Variants in RTN4IP1 observed in about 807,000 individuals in gnomAD.
RTN4IP1 encodes reticulon 4 interacting protein 1.
RTN4IP1 carries 32 observed loss-of-function variants against 46.6 expected under a neutral mutation model. The observed-to-expected ratio is 0.69, with a 90% CI of 0.52 to 0.92. The LOEUF (loss-of-function observed/expected upper bound fraction) is 0.92. RTN4IP1 is among the 40% of genes least tolerant of loss of function. The probability of loss-of-function intolerance (pLI) is 0.00; values close to 1 mark genes in which losing one functional copy is unlikely to be tolerated. For synonymous variants in RTN4IP1, 167 were observed against 161.8 expected, an observed-to-expected ratio of 1.03 and a Z score of -0.24; for missense variants, 424 against 485.8, an observed-to-expected ratio of 0.87 and a Z score of 1.20.
At chr6:106,600,270 C>T (rs1432738440) in intron 5 of RTN4IP1, among the ~76,000 whole-genome samples, 1 of 152,002 alleles carries the variant, frequency 6.6e-6, no homozygotes, top group African/African-American at 2.4e-5. Context: ...GAATCTCTCC[C>T]CTCATCCTGA....
At chr6:106,592,077 G>T in intron 6 of RTN4IP1, 87 bp downstream of exon 6, 1 of 1,342,592 alleles carries the variant, frequency 7.4e-7, no homozygotes, top group Non-Finnish European at 1.0e-6. Flanking sequence ...ATTCCAACAT[G>T]ATTGTAAAGC....
In RTN4IP1 at chr6:106,592,239, A is replaced by G. The variant is rs748837830; in HGVS notation, c.731T>C (p.Val244Ala). ...TACATCGTCTGCACCAAGCTTCCTT[A>G]CAAGTTCACTGGCATCTTGGGAGCA... ...AVCSQDASEL[V>A]RKLGADDVID... Residue 244 changes from valine to alanine, a missense_variant, in exon 6 of 9, where the codon GTA (valine) becomes GCA (alanine). Coordinates refer to ENST00000369063, the MANE Select transcript of RTN4IP1 (RefSeq NM_032730.5). The G allele has an allele frequency of 2.5e-6, 4 of 1,614,028 alleles. No individual in the cohort carries two copies. The highest frequency in any genetic ancestry group is 3.3e-5 in the Admixed American group (2 of 60,004).
intron 3 of RTN4IP1, among the ~76,000 whole-genome samples, chr6:106,620,775 T>C: frequency 6.6e-6 from 1 of 152,172 alleles, no homozygotes. Context: ...CATTATCAGA[T>C]ATAACTACTT....
chr6:106,619,528 T>C lies in RTN4IP1; in HGVS notation c.496-202A>G, dbSNP rs537769419. 8.6e-5 allele frequency among the ~76,000 whole-genome samples: 13 copies of C among 151,926 alleles called. No homozygotes were observed. The East Asian group carries it at 2.3e-3, about 27-fold the overall frequency. Reference sequence around the variant, plus strand: ...ACCCTTCTTCTTCCTACTCCTCCTCTTTCTAGTAACTTGAACACAACAAGG... The same window carrying C: ...ACCCTTCTTCTTCCTACTCCTCCTCCTTCTAGTAACTTGAACACAACAAGG... On this transcript the variant is annotated intron_variant, in intron 3 of 8. Transcript: ENST00000369063.
chr6:106,583,297 G>C, intron 8 of RTN4IP1, 31 bp downstream of exon 8: 1 of 1,569,976 alleles, frequency 6.4e-7, no homozygotes, highest in Non-Finnish European at 8.8e-7. Context: ...AAATACAAAG[G>C]CTTCCAATCC....
At chr6:106,612,925 G>A (rs548879253) in intron 4 of RTN4IP1, among the ~76,000 whole-genome samples, 13 of 152,252 alleles carry the variant, frequency 8.5e-5, no homozygotes, top group Admixed American at 2.0e-4. Flanking sequence ...ACATGCGCTC[G>A]CCATTGTTCC....
chr6:106,588,064 T>C (rs1775529295), intron 6 of RTN4IP1, among the ~76,000 whole-genome samples: 1 of 152,202 alleles, frequency 6.6e-6, no homozygotes, highest in Non-Finnish European at 1.5e-5. Context: ...ATGACTTTTC[T>C]CCAAGGTAAG....
In RTN4IP1 at chr6:106,627,959, T is replaced by C. The variant is rs973050106; in HGVS notation, c.274+789A>G. On this transcript the variant is annotated intron_variant, in intron 1 of 8. Coordinates refer to ENST00000369063, the MANE Select transcript of RTN4IP1 (RefSeq NM_032730.5). ...GGCGCATGTCTGTAGTCCCAGCTACTTGGGAGGCTGAAGCAGGAGAATCGC... is the reference window on the plus strand; with the variant it reads ...GGCGCATGTCTGTAGTCCCAGCTACCTGGGAGGCTGAAGCAGGAGAATCGC... Among the ~76,000 whole-genome samples, 6 of 146,364 alleles carry C rather than the reference T, an allele frequency of 4.1e-5. No homozygotes were observed. The South Asian group carries it at 1.1e-3, about 28-fold the overall frequency.
At chr6:106,590,112 G>T (rs551272336) in intron 6 of RTN4IP1, among the ~76,000 whole-genome samples, 1 of 151,946 alleles carries the variant, frequency 6.6e-6, no homozygotes, top group Non-Finnish European at 1.5e-5. Context: ...GAGGCCAGGG[G>T]TTCAAGACCA....
At chr6:106,575,425 G>A (rs1320051619) in intron 8 of RTN4IP1, among the ~76,000 whole-genome samples, 2 of 152,230 alleles carry the variant, frequency 1.3e-5, no homozygotes, top group African/African-American at 2.4e-5. Flanking sequence ...ACTTCTGTGA[G>A]AACGTAGGGA....
chr6:106,614,483 T>C lies in RTN4IP1; in HGVS notation c.620+4719A>G, dbSNP rs564035014. On this transcript the variant is annotated intron_variant, in intron 4 of 8. Coordinates refer to ENST00000369063, the MANE Select transcript of RTN4IP1 (RefSeq NM_032730.5). ...GATCTGTAAGTTACCAAACTATAAG[T>C]AGAAGCTGGGAGTAGATGAGATAAC... Among the ~76,000 whole-genome samples the C allele has an allele frequency of 3.9e-5, 6 of 152,010 alleles. No individual in the cohort carries two copies. In the East Asian group the frequency reaches 9.7e-4, roughly 25 times the overall value.
chr6:106,585,569 T>A (rs1254518054), intron 7 of RTN4IP1, among the ~76,000 whole-genome samples: 1 of 152,194 alleles, frequency 6.6e-6, no homozygotes, highest in Non-Finnish European at 1.5e-5. Context: ...AAAGTGAAAC[T>A]TTTGGTCTGT....
chr6:106,610,555 T>C (rs1289809567), intron 4 of RTN4IP1, among the ~76,000 whole-genome samples: 1 of 152,220 alleles, frequency 6.6e-6, no homozygotes, highest in African/African-American at 2.4e-5. Flanking sequence ...CCTAGCTTGC[T>C]GTAATGGCCA....
At chr6:106,583,968 G>A (rs918005529) in intron 7 of RTN4IP1, among the ~76,000 whole-genome samples, 5 of 152,014 alleles carry the variant, frequency 3.3e-5, no homozygotes, top group South Asian at 2.1e-4. Context: ...TATACATCAC[G>A]GCTGAATCTT....
At chr6:106,585,851 T>C (rs1293687812) in intron 7 of RTN4IP1, among the ~76,000 whole-genome samples, 1 of 152,214 alleles carries the variant, frequency 6.6e-6, no homozygotes, top group Non-Finnish European at 1.5e-5. Context: ...GGTTAACTTG[T>C]AAGAGGTCTC....
intron 3 of RTN4IP1, 93 bp downstream of exon 3, chr6:106,621,332 C>T: frequency 2.1e-6 from 2 of 954,958 alleles, no homozygotes; most frequent in Non-Finnish European, 3.4e-6. Flanking sequence ...CCCCATCAAA[C>T]ATAAACTAGA....
chr6:106,597,327 A>G (rs980164293), intron 5 of RTN4IP1, among the ~76,000 whole-genome samples: 8 of 152,162 alleles, frequency 5.3e-5, no homozygotes, highest in South Asian at 2.1e-4. Context: ...AATATTTGAT[A>G]CTTTCTCTTG....
At chr6:106,607,167 A>G (rs1359744218) in intron 4 of RTN4IP1, among the ~76,000 whole-genome samples, 1 of 152,202 alleles carries the variant, frequency 6.6e-6, no homozygotes, top group East Asian at 1.9e-4. Flanking sequence ...AATTTCTTCA[A>G]TAAATGGTGC....
At chr6:106,600,356 C>T (rs950661631) in intron 5 of RTN4IP1, among the ~76,000 whole-genome samples, 2 of 151,642 alleles carry the variant, frequency 1.3e-5, no homozygotes, top group Non-Finnish European at 2.9e-5. Context: ...AGTCACTGGG[C>T]CCCATCATGT....
Sources: gnomAD v4.1 joint callset for allele counts (sites outside exome capture counted in the v4.1 genomes callset) on GRCh38, gnomAD v4.1.1 for gene constraint, MANE v1.5 for transcripts, NCBI Gene and HGNC (gene_info 2026-07-23, HGNC 2026-07-21) for gene names.